The following TIAL1 variants were observed in gnomAD, a reference collection of about 807,000 sequenced individuals.
TIAL1 encodes the protein TIA1 cytotoxic granule associated RNA binding protein like 1, also known as nucleolysin TIAR.
A neutral mutation model predicts 59.7 loss-of-function variants in TIAL1; 7 were observed. The observed-to-expected ratio is 0.12, with a 90% CI of 0.07 to 0.22. The LOEUF is 0.22. Among genes scored for constraint, TIAL1 ranks in the 10% least tolerant of loss-of-function variants. The probability of loss-of-function intolerance (pLI) is 1.00; values close to 1 mark genes in which losing one functional copy is unlikely to be tolerated. For synonymous variants in TIAL1, 149 were observed against 146.3 expected (o/e 1.02, Z -0.13); for missense variants, 225 against 462.5 (o/e 0.49, Z 4.71).
Position 119,596,808 on chromosome 10 carries a change from C to T in TIAL1, c.-343G>A, listed in dbSNP as rs1359599711. ...AGAAAAAAGGGCCGCCGAGGAAACCCTGGGACCCGCTCACGACGGATCACG... is the reference window on the plus strand; with the variant it reads ...AGAAAAAAGGGCCGCCGAGGAAACCTTGGGACCCGCTCACGACGGATCACG... On this transcript the variant is annotated 5_prime_UTR_variant, in exon 1 of 12. Transcript: ENST00000436547. 1 of 363,522 alleles carries T rather than the reference C, an allele frequency of 2.8e-6. No homozygotes were observed. Among genetic ancestry groups the T allele is most frequent in the East Asian group, 6.4e-5 (1 of 15,612 alleles). The allele number at this position is 363,522 out of a possible 1,614,324, so 22.5% of individuals were successfully genotyped here. A position where few individuals can be genotyped will look rare whatever the true frequency, so the allele number is the denominator to read the frequency against.
At chr10:119,585,640 C>T (rs189126634) in intron 2 of TIAL1, among the ~76,000 whole-genome samples, 71 of 152,150 alleles carry the variant, frequency 4.7e-4, no homozygotes, top group African/African-American at 1.5e-3. Context: ...TGTATGTATA[C>T]ATGGGGTTTT....
rs1844874327 is a variant in TIAL1, at chr10:119,574,592, A to AAAAAAAAAAAAAAAAAAAAAAAC, written c.*1072_*1073insGTTTTTTTTTTTTTTTTTTTTTT. On this transcript the variant is annotated 3_prime_UTR_variant, in exon 12 of 12. Coordinates refer to ENST00000436547, the MANE Select transcript of TIAL1 (RefSeq NM_003252.4). ...CATACCAAGTAATGTAAAGCAAAAA[A>AAAAAAAAAAAAAAAAAAAAAAAC]AAAAAAAAAAAAAAACAAAAACAAA... 6.8e-6 allele frequency: 1 copy of AAAAAAAAAAAAAAAAAAAAAAAC among 146,298 alleles called. No homozygotes were observed. Among genetic ancestry groups the AAAAAAAAAAAAAAAAAAAAAAAC allele is most frequent in the Non-Finnish European group, 1.5e-5 (1 of 67,290 alleles). The allele number at this position is 146,298 out of a possible 1,614,324, so 9.1% of individuals were successfully genotyped here.
chr10:119,585,727 C>T (rs1009702931), intron 2 of TIAL1, among the ~76,000 whole-genome samples: 1 of 152,150 alleles, frequency 6.6e-6, no homozygotes, highest in African/African-American at 2.4e-5. Flanking sequence ...TTCTCACAAC[C>T]CGTTCTCTCC....
At chr10:119,577,613 G>A (rs760263647) in intron 8 of TIAL1, 28 bp downstream of exon 8, 2 of 1,608,382 alleles carry the variant, frequency 1.2e-6, no homozygotes, top group African/African-American at 2.7e-5. Context: ...AAGCTCCTCA[G>A]AGGTGATTAG....
At chr10:119,590,520 A>G (rs927487242) in intron 1 of TIAL1, among the ~76,000 whole-genome samples, 3 of 151,642 alleles carry the variant, frequency 2.0e-5, no homozygotes, top group African/African-American at 4.8e-5. Context: ...GACCAGCCTG[A>G]CCAACATGGT....
At chr10:119,588,452 T>C in intron 1 of TIAL1, 1 of 330,222 alleles carries the variant, frequency 3.0e-6, no homozygotes, top group Non-Finnish European at 5.5e-6. Flanking sequence ...CAAACGATTT[T>C]CCTGTCTCAG....
Position 119,582,317 on chromosome 10 carries a change from T to A in TIAL1, c.229-94A>T. 6.8e-7 allele frequency: 1 copy of A among 1,474,564 alleles called. No individual in the cohort carries two copies. The highest frequency in any genetic ancestry group is 9.1e-7 in the Non-Finnish European group (1 of 1,094,054). The allele number at this position is 1,474,564 out of a possible 1,614,324, so 91.3% of individuals were successfully genotyped here. On this transcript the variant is annotated intron_variant, in intron 3 of 11. Coordinates refer to ENST00000436547, the MANE Select transcript of TIAL1 (RefSeq NM_003252.4). This position sits in a 1 kb window ranked among gnomAD's most constrained non-coding sequence, Gnocchi z 5.1. Reference sequence around the variant, plus strand: ...AAATCATTTATCAAGCAGGGTTATTTTTGTAAAAGCACTAAGCTGAATAAA... The same window carrying A: ...AAATCATTTATCAAGCAGGGTTATTATTGTAAAAGCACTAAGCTGAATAAA...
At chr10:119,580,929 T>C (rs12778477) in intron 5 of TIAL1, 7 of 675,946 alleles carry the variant, frequency 1.0e-5, no homozygotes, top group Non-Finnish European at 1.4e-5. Flanking sequence ...AAATAAAGAT[T>C]GAAAAACAGC....
chr10:119,582,256 T>G lies in TIAL1; in HGVS notation c.229-33A>C, dbSNP rs1236618138. The G allele has an allele frequency of 3.9e-6, 6 of 1,546,586 alleles. No homozygotes were observed. The African/African-American group carries it at 5.6e-5, about 14-fold the overall frequency. Reference sequence around the variant, plus strand: ...TAAAGATTATATTTAATAAAATTATTAGGCATGTCATGAGTTACAACACTT... The same window carrying G: ...TAAAGATTATATTTAATAAAATTATGAGGCATGTCATGAGTTACAACACTT... On this transcript the variant is annotated intron_variant, in intron 3 of 11. Coordinates refer to ENST00000436547, the MANE Select transcript of TIAL1 (RefSeq NM_003252.4). The surrounding 1 kb of genome is among the most constrained non-coding windows in gnomAD (Gnocchi z 5.1).
chr10:119,580,096 A>G, intron 5 of TIAL1, 86 bp from the exon 6 acceptor site: 1 of 1,093,634 alleles, frequency 9.1e-7, no homozygotes, highest in Non-Finnish European at 1.3e-6. Flanking sequence ...CTGTATTGTG[A>G]GCATTTTTAA....
At chr10:119,577,429 G>A (rs1335627007) in intron 9 of TIAL1, 22 bp downstream of exon 9, 5 of 1,579,552 alleles carry the variant, frequency 3.2e-6, no homozygotes, top group Non-Finnish European at 4.3e-6. Context: ...GAGTAATAAT[G>A]ATATTTCAAG....
intron 2 of TIAL1, among the ~76,000 whole-genome samples, chr10:119,585,617 C>A (rs1231897058): frequency 6.6e-6 from 1 of 152,062 alleles, no homozygotes; most frequent in Non-Finnish European, 1.5e-5. Context: ...AGTCCCTCTA[C>A]CCTTCAAATA....
At chr10:119,581,818 C>G in intron 5 of TIAL1, 104 bp downstream of exon 5, 6 of 884,558 alleles carry the variant, frequency 6.8e-6, no homozygotes, top group Non-Finnish European at 8.5e-6. Context: ...AGAAACAAAA[C>G]AAAACCATAC....
chr10:119,586,658 T>A (rs1845584037), intron 2 of TIAL1, among the ~76,000 whole-genome samples: 1 of 152,364 alleles, frequency 6.6e-6, no homozygotes, highest in Admixed American at 6.5e-5. Context: ...TAATGTCCTG[T>A]GATTCTGAAT....
intron 1 of TIAL1, among the ~76,000 whole-genome samples, chr10:119,594,601 G>T (rs1846058758): frequency 6.6e-6 from 1 of 152,212 alleles, no homozygotes; most frequent in East Asian, 1.9e-4. Context: ...CCAAGTCTTG[G>T]CTTCAACAGA....
intron 1 of TIAL1, among the ~76,000 whole-genome samples, chr10:119,593,065 GAAAAT>G (rs1004947135): frequency 6.6e-5 from 10 of 152,268 alleles, no homozygotes; most frequent in African/African-American, 2.4e-4. Context: ...GATAGATGAA[GAAAAT>G]AAAATAAGCT....
chr10:119,588,946 C>T (rs1845713679), intron 1 of TIAL1, among the ~76,000 whole-genome samples: 1 of 152,078 alleles, frequency 6.6e-6, no homozygotes, highest in Non-Finnish European at 1.5e-5. Context: ...ACACATACAA[C>T]AAATACTAAT....
intron 1 of TIAL1, among the ~76,000 whole-genome samples, chr10:119,591,301 G>A (rs564157349): frequency 5.8e-4 from 88 of 152,190 alleles, no homozygotes; most frequent in Non-Finnish European, 1.0e-3. Flanking sequence ...GCTACTTGGG[G>A]GAGGCTGAGG....
chr10:119,582,265 C>T lies in TIAL1; in HGVS notation c.229-42G>A, dbSNP rs753293911. 4 of 1,530,214 alleles carry T rather than the reference C, an allele frequency of 2.6e-6. No homozygotes were observed. Among genetic ancestry groups the T allele is most frequent in the Non-Finnish European group, 3.5e-6 (4 of 1,128,092 alleles). The allele number at this position is 1,530,214 out of a possible 1,614,324, so 94.8% of individuals were successfully genotyped here. A position where few individuals can be genotyped will look rare whatever the true frequency, so the allele number is the denominator to read the frequency against. Reference sequence around the variant, plus strand: ...TATTTAATAAAATTATTAGGCATGTCATGAGTTACAACACTTACCACTTAT... The same window carrying T: ...TATTTAATAAAATTATTAGGCATGTTATGAGTTACAACACTTACCACTTAT... On this transcript the variant is annotated intron_variant, in intron 3 of 11. Coordinates refer to ENST00000436547, the MANE Select transcript of TIAL1 (RefSeq NM_003252.4). The surrounding 1 kb of genome is among the most constrained non-coding windows in gnomAD (Gnocchi z 5.1).
Sources: gnomAD v4.1 joint callset for allele counts (sites outside exome capture counted in the v4.1 genomes callset) on GRCh38, gnomAD v4.1.1 for gene constraint, Gnocchi (gnomAD v3.1) non-coding constraint, MANE v1.5 for transcripts, NCBI Gene and HGNC (gene_info 2026-07-23, HGNC 2026-07-21) for gene names.